The following ECPAS variants were observed in gnomAD, a reference collection of about 807,000 sequenced individuals.
ECPAS encodes the protein proteasome adapter and scaffold protein ECM29.
A neutral mutation model predicts 255.1 loss-of-function variants in ECPAS; 70 were observed. The observed-to-expected ratio is 0.27, with a 90% confidence interval of 0.23 to 0.33. The LOEUF (loss-of-function observed/expected upper bound fraction) is 0.33. Ranked by LOEUF, ECPAS falls within the 10% of genes least tolerant of loss-of-function variation. The pLI is 1.00. For synonymous variants in ECPAS, 784 were observed against 775.0 expected, an observed-to-expected ratio of 1.01 and a Z score of -0.19; for missense variants, 1,817 against 2,206.4, an observed-to-expected ratio of 0.82 and a Z score of 3.54.
At chr9:111,401,804 C>A (rs748736340) in intron 24 of ECPAS, among the ~76,000 whole-genome samples, 11 of 152,220 alleles carry the variant, frequency 7.2e-5, no homozygotes, top group Non-Finnish European at 2.9e-5. Flanking sequence ...TACAGGCTTT[C>A]TGCAAGAAGA....
intron 45 of ECPAS, among the ~76,000 whole-genome samples, chr9:111,369,505 T>G (rs893017119): frequency 6.6e-6 from 1 of 152,178 alleles, no homozygotes. Flanking sequence ...CCAAACTCTT[T>G]CTTGATAGAG....
chr9:111,378,852 G>A, intron 35 of ECPAS, 122 bp from the exon 36 acceptor site: 4 of 936,986 alleles, frequency 4.3e-6, no homozygotes, highest in Non-Finnish European at 6.0e-6. Flanking sequence ...TGGTTGCAGA[G>A]CCTGGTCTGG....
chr9:111,426,368 TAAAAA>T (rs774666781), intron 10 of ECPAS, among the ~76,000 whole-genome samples: 2 of 115,852 alleles, frequency 1.7e-5, no homozygotes, highest in Non-Finnish European at 3.6e-5. Flanking sequence ...TTACTTACAC[TAAAAA>T]AAAAAAAAAA....
At position 111,361,175 on chromosome 9, in the gene ECPAS, C is replaced by A. The variant is rs926395875; in HGVS notation, c.*855G>T. The stretch of plus-strand genomic sequence containing the variant: ...TTGACATTATAAATGGTCTAAACCA[C>A]GGCAGTCTGCGATTTTGTTTCTGGT... On this transcript the variant is annotated 3_prime_UTR_variant, in exon 50 of 50. Coordinates refer to ENST00000684092, the MANE Select transcript of ECPAS (RefSeq NM_001364929.1). The A allele has an allele frequency of 6.6e-6, 1 of 152,202 alleles. No individual in the cohort carries two copies. Among genetic ancestry groups the A allele is most frequent in the Non-Finnish European group, 1.5e-5 (1 of 68,028 alleles). The allele number at this position is 152,202 out of a possible 1,614,324, so 9.4% of individuals were successfully genotyped here.
intron 1 of ECPAS, among the ~76,000 whole-genome samples, chr9:111,480,417 C>G (rs1378268751): frequency 6.6e-6 from 1 of 151,238 alleles, no homozygotes; most frequent in Non-Finnish European, 1.5e-5. Flanking sequence ...CCTGCCTCAG[C>G]CTCCTGAGTA....
intron 2 of ECPAS, among the ~76,000 whole-genome samples, chr9:111,454,430 C>T (rs190243087): frequency 5.9e-5 from 9 of 152,114 alleles, no homozygotes; most frequent in Admixed American, 1.3e-4. Flanking sequence ...CTCTCCCTCA[C>T]GAGACAGGCA....
At chr9:111,377,060 T>C (rs2098134169) in intron 36 of ECPAS, among the ~76,000 whole-genome samples, 1 of 152,194 alleles carries the variant, frequency 6.6e-6, no homozygotes, top group Non-Finnish European at 1.5e-5. Flanking sequence ...CTACAAAGTT[T>C]AGACTAGAAT....
At chr9:111,460,184 T>G (rs1231706396) in intron 2 of ECPAS, among the ~76,000 whole-genome samples, 3 of 152,186 alleles carry the variant, frequency 2.0e-5, no homozygotes, top group Non-Finnish European at 4.4e-5. Context: ...ATCAGTGTAA[T>G]CTGCCACATT....
chr9:111,376,749 G>A (rs1445635012), intron 36 of ECPAS, among the ~76,000 whole-genome samples: 9 of 152,140 alleles, frequency 5.9e-5, no homozygotes, highest in Non-Finnish European at 1.3e-4. Flanking sequence ...CACACTACAG[G>A]TGAGAAATTC....
In ECPAS at chr9:111,407,274, C is replaced by T. The variant is rs116972089; in HGVS notation, c.2652+1297G>A. On this transcript the variant is annotated intron_variant, in intron 24 of 49. Transcript: ENST00000684092. ...AATATTAGCCAGGTGTGGTGGCGTGCGCTTGTAATCCCAACTACTTAGGAG... is the reference window on the plus strand; with the variant it reads ...AATATTAGCCAGGTGTGGTGGCGTGTGCTTGTAATCCCAACTACTTAGGAG... Among the ~76,000 whole-genome samples, 580 of 146,276 alleles carry T rather than the reference C, an allele frequency of 4.0e-3. 85 individuals are homozygous for T. The East Asian group carries it at 0.1, about 26-fold the overall frequency.
chr9:111,395,968 T>C (rs555288289), intron 25 of ECPAS, among the ~76,000 whole-genome samples: 62 of 152,364 alleles, frequency 4.1e-4, no homozygotes, highest in African/African-American at 1.3e-3. Flanking sequence ...AGTGTGTTTT[T>C]CTATTTCCTT....
At chr9:111,472,345 T>G (rs1044252433) in intron 2 of ECPAS, among the ~76,000 whole-genome samples, 2 of 151,656 alleles carry the variant, frequency 1.3e-5, no homozygotes, top group South Asian at 4.2e-4. Context: ...CAAAGTTGTT[T>G]GTAAACGATC....
intron 1 of ECPAS, among the ~76,000 whole-genome samples, chr9:111,478,008 CT>C (rs2098298613): frequency 6.6e-6 from 1 of 151,638 alleles, no homozygotes; most frequent in African/African-American, 2.4e-5. Context: ...GCAAGCCATC[CT>C]CCCCACTCAG....
intron 31 of ECPAS, among the ~76,000 whole-genome samples, chr9:111,386,865 T>G (rs2098149660): frequency 6.6e-6 from 1 of 152,250 alleles, no homozygotes; most frequent in Non-Finnish European, 1.5e-5. Context: ...CCTTCAAGGT[T>G]CATATTAGCC....
intron 38 of ECPAS, among the ~76,000 whole-genome samples, chr9:111,374,595 T>A (rs555521026): frequency 6.6e-6 from 1 of 152,344 alleles, no homozygotes; most frequent in African/African-American, 2.4e-5. Context: ...AATTTTTATT[T>A]TAACTTTCTC....
chr9:111,446,793 G>A (rs1194256871), intron 3 of ECPAS, among the ~76,000 whole-genome samples: 2 of 152,112 alleles, frequency 1.3e-5, no homozygotes, highest in Non-Finnish European at 2.9e-5. Flanking sequence ...GTCAAAATAT[G>A]ACTCCAGAGC....
rs1483906507 is a variant in ECPAS, at chr9:111,393,699, T to C, written c.2958A>G (p.Ser986=). ...HLKEIQSAFV[S]VLSENDELSQ... ...ACCTACCATCATTTTCTGATAGAACTGAAACAAATGCACTTTGAATTTCTT... is the reference window on the plus strand; with the variant it reads ...ACCTACCATCATTTTCTGATAGAACCGAAACAAATGCACTTTGAATTTCTT... The change falls in exon 27 of 50, where the codon TCA becomes TCG. Residue 986 remains serine (S), a synonymous_variant. Transcript: ENST00000684092. 6.3e-7 allele frequency: 1 copy of C among 1,585,544 alleles called. No individual in the cohort carries two copies. Among genetic ancestry groups the C allele is most frequent in the Non-Finnish European group, 8.7e-7 (1 of 1,155,730 alleles).
At chr9:111,448,576 T>C (rs1361143191) in intron 3 of ECPAS, among the ~76,000 whole-genome samples, 2 of 152,204 alleles carry the variant, frequency 1.3e-5, no homozygotes, top group Non-Finnish European at 2.9e-5. Context: ...CAACTTATAA[T>C]AGGACTGGAA....
intron 2 of ECPAS, among the ~76,000 whole-genome samples, chr9:111,458,891 G>A (rs2098270029): frequency 6.6e-6 from 1 of 152,118 alleles, no homozygotes; most frequent in Non-Finnish European, 1.5e-5. Context: ...GTTTTAACTT[G>A]CATCCTTTTC....
Sources: gnomAD v4.1 joint callset for allele counts (sites outside exome capture counted in the v4.1 genomes callset) on GRCh38, gnomAD v4.1.1 for gene constraint, MANE v1.5 for transcripts, NCBI Gene and HGNC (gene_info 2026-07-23, HGNC 2026-07-21) for gene names.